The following THAP7 variants were observed in gnomAD, a reference collection of about 807,000 sequenced individuals.
The protein encoded by THAP7 is THAP domain containing 7, also known as THAP domain-containing protein 7.
In THAP7, 22 loss-of-function variants were observed where a neutral mutation model predicts 29.2. The ratio of observed to expected loss-of-function variants is 0.75; its 90% confidence interval spans 0.54 to 1.08. THAP7 has a LOEUF of 1.08. Among genes scored for constraint, THAP7 ranks in the 50% least tolerant of loss-of-function variants. The pLI is 0.00. For missense variants in THAP7, 448 were observed against 416.2 expected, an observed-to-expected ratio of 1.08 and a Z score of -0.66; for synonymous variants, 208 against 173.4, an observed-to-expected ratio of 1.20 and a Z score of -1.57.
chr22:21,000,994 CT>C, intron 2 of THAP7: 1 of 888,156 alleles, frequency 1.1e-6, no homozygotes, highest in Non-Finnish European at 1.7e-6. Flanking sequence ...CCGAGCTGGG[CT>C]GACCAGCCAG....
intron 3 of THAP7, 51 bp from the exon 4 acceptor site, chr22:21,000,483 AC>A (rs1925099138): frequency 1.3e-6 from 2 of 1,531,568 alleles, no homozygotes; most frequent in Non-Finnish European, 1.8e-6. Flanking sequence ...GGCTTGCCAG[AC>A]CCCCCTCCAC....
At chr22:21,001,745 A>C (rs1925179921) in intron 1 of THAP7, 87 bp downstream of exon 1, 2 of 1,377,930 alleles carry the variant, frequency 1.5e-6, no homozygotes, top group African/African-American at 1.4e-5. Flanking sequence ...GTATCTGAGA[A>C]AGGCGCGAAG....
Position 20,999,642 on chromosome 22 carries a change from A to G in THAP7, c.*238T>C. 1.8e-6 allele frequency: 1 copy of G among 562,060 alleles called. No individual in the cohort carries two copies. Among genetic ancestry groups the G allele is most frequent in the Non-Finnish European group, 3.1e-6 (1 of 317,924 alleles). The allele number at this position is 562,060 out of a possible 1,614,324, so 34.8% of individuals were successfully genotyped here. A position where few individuals can be genotyped will look rare whatever the true frequency, so the allele number is the denominator to read the frequency against. On this transcript the variant is annotated 3_prime_UTR_variant, in exon 4 of 4. Coordinates refer to ENST00000215742, the MANE Select transcript of THAP7 (RefSeq NM_030573.3). ...TGTCTACCAGTAGCTCTGAGGGGTGAGAGCCAGGCTCCCTGTTCTCCTTGG... is the reference window on the plus strand; with the variant it reads ...TGTCTACCAGTAGCTCTGAGGGGTGGGAGCCAGGCTCCCTGTTCTCCTTGG...
In THAP7 at chr22:21,000,338, TG is replaced by T. The variant is rs1367745672; in HGVS notation, c.471del (p.Thr158LeufsTer113). 1 of 1,553,186 alleles carries T rather than the reference TG, an allele frequency of 6.4e-7. No individual in the cohort carries two copies. Among genetic ancestry groups the T allele is most frequent in the South Asian group, 1.2e-5 (1 of 84,376 alleles). On this transcript the variant is annotated frameshift_variant, in exon 4 of 4. Transcript: ENST00000215742. LOFTEE classifies it high-confidence loss of function. Reference protein sequence around the residue: ...CFPVEEASAPATLPASPAGRL... With the variant: ...CFPVEEASAPXTLPASPAGRL... ...CTCCCAGCTGGGGAGGCCGGCAAAG[TG>T]GCAGGTGCTGAGGCCTCTTCCACAG...
Position 21,001,323 on chromosome 22 carries a change from C to A in THAP7, c.169G>T (p.Ala57Ser), listed in dbSNP as rs202122193. 36 of 1,614,120 alleles carry A rather than the reference C, an allele frequency of 2.2e-5. No individual in the cohort carries two copies. In the East Asian group the frequency reaches 3.3e-4, roughly 15 times the overall value. Residue 57 changes from alanine (A) to serine (S), a missense_variant, in exon 2 of 4, where the codon GCA (alanine) becomes TCA (serine). Physicochemically the swap from Ala to Ser is moderately conservative, Grantham distance 99 (BLOSUM62 1). Coordinates refer to ENST00000215742, the MANE Select transcript of THAP7 (RefSeq NM_030573.3). The part of the protein sequence containing the change: ...DPSGQGLWDP[A>S]SEYIYFCSKH... ...GAGCAGAAGTAGATGTACTCGGATG[C>A]CGGGTCCCACAGGCCCTGGCCGCTG...
Position 20,999,793 on chromosome 22 carries a change from T to A in THAP7, c.*87A>T, listed in dbSNP as rs762496207. 191 of 1,464,788 alleles carry A rather than the reference T, an allele frequency of 1.3e-4. No individual in the cohort carries two copies. The highest frequency in any genetic ancestry group is 1.7e-4 in the Non-Finnish European group (187 of 1,099,216). The allele number at this position is 1,464,788 out of a possible 1,614,324, so 90.7% of individuals were successfully genotyped here. On this transcript the variant is annotated 3_prime_UTR_variant, in exon 4 of 4. Coordinates refer to ENST00000215742, the MANE Select transcript of THAP7 (RefSeq NM_030573.3). ...GGCCCTCCGTCTAGAATCCGCTTTA[T>A]TATGGCACCTGGTGGGTCTGGTGGG...
chr22:21,002,059 C>G lies in THAP7; in HGVS notation c.-148G>C. 1.4e-6 allele frequency: 1 copy of G among 691,430 alleles called. No homozygotes were observed. The highest frequency in any genetic ancestry group is 3.2e-5 in the East Asian group (1 of 31,590). 42.8% of individuals were successfully genotyped at this position (691,430 alleles called of 1,614,324 possible). Reference sequence around the variant, plus strand: ...CGCCCCAACCCCGTCCCAGCCGATTCTCTTGACTTCTGTCAGCGGCACTCA... The same window carrying G: ...CGCCCCAACCCCGTCCCAGCCGATTGTCTTGACTTCTGTCAGCGGCACTCA... On this transcript the variant is annotated 5_prime_UTR_variant, in exon 1 of 4. Coordinates refer to ENST00000215742, the MANE Select transcript of THAP7 (RefSeq NM_030573.3).
Position 20,999,485 on chromosome 22 carries a change from T to A in THAP7, c.*395A>T, listed in dbSNP as rs1306746261. 5.0e-6 allele frequency: 1 copy of A among 198,404 alleles called. No individual in the cohort carries two copies. Among genetic ancestry groups the A allele is most frequent in the South Asian group, 9.8e-5 (1 of 10,206 alleles). 12.3% of individuals were successfully genotyped at this position (198,404 alleles called of 1,614,324 possible). ...AGTGTTCTCAAAGGGGCTGGCTGGT[T>A]TAAGTCAGGGCTGTTTCAGATCCTA... is the stretch of plus-strand genomic sequence containing the variant. On this transcript the variant is annotated 3_prime_UTR_variant, in exon 4 of 4. Coordinates refer to ENST00000215742, the MANE Select transcript of THAP7 (RefSeq NM_030573.3).
chr22:21,000,454 A>T, intron 3 of THAP7, 22 bp from the exon 4 acceptor site: 1 of 1,544,592 alleles, frequency 6.5e-7, no homozygotes, highest in South Asian at 1.2e-5. Flanking sequence ...GAAGAGAGAG[A>T]CTGATGGGCT....
Position 21,001,824 on chromosome 22 carries a change from G to A in THAP7, c.80+8C>T. The A allele has an allele frequency of 1.9e-6, 3 of 1,550,694 alleles. No individual in the cohort carries two copies. Among genetic ancestry groups the A allele is most frequent in the African/African-American group, 1.4e-5 (1 of 73,142 alleles). On this transcript the variant is annotated splice_region_variant and intron_variant, in intron 1 of 3. Coordinates refer to ENST00000215742, the MANE Select transcript of THAP7 (RefSeq NM_030573.3). ...GCGCACGTGAGCCCGCGGCGCACGC[G>A]CGCTGACCTGTGGAAGGAGATGCCG...
At chr22:21,000,950 C>T in intron 2 of THAP7, 163 bp from the exon 3 acceptor site, 1 of 1,126,462 alleles carries the variant, frequency 8.9e-7, no homozygotes, top group Middle Eastern at 2.0e-4. Flanking sequence ...CGCAGGACTC[C>T]TCACAGTCCA....
intron 2 of THAP7, chr22:21,001,009 G>A (rs1925133114): frequency 1.2e-6 from 1 of 862,410 alleles, no homozygotes; most frequent in African/African-American, 1.7e-5. Flanking sequence ...CAGCCAGAAA[G>A]AATTCTTTGA....
intron 2 of THAP7, 61 bp from the exon 3 acceptor site, chr22:21,000,848 G>GC (rs1454533538): frequency 1.2e-6 from 2 of 1,604,520 alleles, no homozygotes; most frequent in African/African-American, 1.3e-5. Flanking sequence ...AGGCCAATCT[G>GC]CCCCCAGCAG....
rs1200396776 is a variant in THAP7, at chr22:21,002,064, G to C, written c.-153C>G. On this transcript the variant is annotated 5_prime_UTR_variant, in exon 1 of 4. Transcript: ENST00000215742. ...CAACCCCGTCCCAGCCGATTCTCTT[G>C]ACTTCTGTCAGCGGCACTCACGCTC... is the stretch of plus-strand genomic sequence containing the variant. 2 of 681,682 alleles carry C rather than the reference G, an allele frequency of 2.9e-6. No homozygotes were observed. The highest frequency in any genetic ancestry group is 3.8e-5 in the African/African-American group (2 of 52,286). The allele number at this position is 681,682 out of a possible 1,614,324, so 42.2% of individuals were successfully genotyped here. A position where few individuals can be genotyped will look rare whatever the true frequency, so the allele number is the denominator to read the frequency against.
chr22:21,000,639 T>C lies in THAP7; in HGVS notation c.377+8A>G, dbSNP rs1478766179. The C allele has an allele frequency of 6.2e-7, 1 of 1,613,980 alleles. No homozygotes were observed. The highest frequency in any genetic ancestry group is 2.2e-5 in the East Asian group (1 of 44,880). On this transcript the variant is annotated splice_region_variant and intron_variant, in intron 3 of 3. Transcript: ENST00000215742. The stretch of plus-strand genomic sequence containing the variant: ...GGGAGTGGGGCATCCCCCACCCATA[T>C]CACATACCGCTTCCTGCATCGTCTG...
At chr22:21,000,470 G>T in intron 3 of THAP7, 38 bp from the exon 4 acceptor site, 1 of 1,539,354 alleles carries the variant, frequency 6.5e-7, no homozygotes, top group Admixed American at 2.0e-5. Context: ...GGGCTAGGCT[G>T]AGGGCTTGCC....
intron 2 of THAP7, 58 bp downstream of exon 2, chr22:21,001,198 T>A: frequency 6.3e-7 from 1 of 1,598,494 alleles, no homozygotes; most frequent in Admixed American, 1.7e-5. Flanking sequence ...CCTGCAGCTG[T>A]CCCAGTCCGC....
chr22:21,000,456 T>C (rs1226958011), intron 3 of THAP7, 24 bp from the exon 4 acceptor site: 1 of 1,544,190 alleles, frequency 6.5e-7, no homozygotes, highest in Admixed American at 2.0e-5. Context: ...AGAGAGAGAC[T>C]GATGGGCTAG....
In THAP7 at chr22:21,001,483, G is replaced by C; in HGVS notation, c.81-72C>G. 16 of 1,546,658 alleles carry C rather than the reference G, an allele frequency of 1.0e-5. 1 individual carries two copies. The South Asian group carries it at 1.9e-4, about 18-fold the overall frequency. On this transcript the variant is annotated intron_variant, in intron 1 of 3. Coordinates refer to ENST00000215742, the MANE Select transcript of THAP7 (RefSeq NM_030573.3). ...GCTCATGCTGCCCAAGCACCCCAGA[G>C]GGGAAACGCAGACCCAACACGCGCC...
Sources: allele counts gnomAD v4.1 joint callset, GRCh38; gene constraint gnomAD v4.1.1; transcripts MANE v1.5; gene names NCBI Gene and HGNC (gene_info 2026-07-23, HGNC 2026-07-21).